Variants in ADAMTS19 observed in about 807,000 individuals in gnomAD.
ADAMTS19 encodes the protein ADAM metallopeptidase with thrombospondin type 1 motif 19, also known as A disintegrin and metalloproteinase with thrombospondin motifs 19.
In ADAMTS19, 93 loss-of-function variants were observed where a neutral mutation model predicts 153.3. That is an observed-to-expected ratio of 0.61 (90% CI 0.51 to 0.72). The LOEUF is 0.72. Ranked by LOEUF, ADAMTS19 falls within the 30% of genes least tolerant of loss-of-function variation. ADAMTS19 has a pLI of 0.00. For missense variants in ADAMTS19, 1,482 were observed against 1,552.1 expected (o/e 0.95, Z 0.76); for synonymous variants, 600 against 556.6 (o/e 1.08, Z -1.10).
chr5:129,685,151 A>C (rs569102358), intron 18 of ADAMTS19, among the ~76,000 whole-genome samples: 1 of 152,240 alleles, frequency 6.6e-6, no homozygotes, highest in African/African-American at 2.4e-5. Context: ...GATAAAGAAT[A>C]TATGGATATT....
At chr5:129,535,814 G>T (rs1271909678) in intron 6 of ADAMTS19, among the ~76,000 whole-genome samples, 3 of 152,114 alleles carry the variant, frequency 2.0e-5, no homozygotes, top group Non-Finnish European at 2.9e-5. Flanking sequence ...AATGGGGAAA[G>T]GATTCCCTAT....
chr5:129,591,088 G>T (rs1750109590), intron 7 of ADAMTS19, among the ~76,000 whole-genome samples: 1 of 152,034 alleles, frequency 6.6e-6, no homozygotes, highest in South Asian at 2.1e-4. Context: ...TTAGTCCTTT[G>T]TTCAGGGACT....
intron 11 of ADAMTS19, among the ~76,000 whole-genome samples, chr5:129,642,574 T>G (rs572846737): frequency 1.3e-5 from 2 of 152,356 alleles, no homozygotes; most frequent in East Asian, 3.9e-4. Context: ...TTAATAATTA[T>G]GGTTAACATA....
chr5:129,523,747 A>G (rs1751906773), intron 3 of ADAMTS19, among the ~76,000 whole-genome samples: 1 of 152,176 alleles, frequency 6.6e-6, no homozygotes, highest in South Asian at 2.1e-4. Flanking sequence ...TAGGAATTCA[A>G]CTTGCAAGGG....
intron 3 of ADAMTS19, among the ~76,000 whole-genome samples, chr5:129,521,268 C>G (rs1043950703): frequency 6.6e-6 from 1 of 151,518 alleles, no homozygotes; most frequent in Non-Finnish European, 1.5e-5. Flanking sequence ...AAATTTTTAC[C>G]GAGAGCACAG....
At chr5:129,702,038 T>C (rs1029666853) in intron 20 of ADAMTS19, among the ~76,000 whole-genome samples, 1 of 152,190 alleles carries the variant, frequency 6.6e-6, no homozygotes, top group Non-Finnish European at 1.5e-5. Flanking sequence ...AAACTTAAGT[T>C]TCATCATTTT....
chr5:129,633,341 G>T (rs551815541), intron 10 of ADAMTS19, among the ~76,000 whole-genome samples: 1 of 152,060 alleles, frequency 6.6e-6, no homozygotes, highest in African/African-American at 2.4e-5. Flanking sequence ...CATAACACAT[G>T]TGTCATCTCA....
intron 11 of ADAMTS19, among the ~76,000 whole-genome samples, chr5:129,646,367 CA>C (rs1239498245): frequency 3.9e-5 from 6 of 152,062 alleles, no homozygotes; most frequent in African/African-American, 1.4e-4. Flanking sequence ...AGAAAATCTA[CA>C]GAGACTAATT....
Position 129,704,359 on chromosome 5 carries a change from T to A in ADAMTS19, c.3280T>A (p.Cys1094Ser). 1 of 1,614,122 alleles carries A rather than the reference T, an allele frequency of 6.2e-7. No individual in the cohort carries two copies. The highest frequency in any genetic ancestry group is 1.1e-5 in the South Asian group (1 of 91,072). Residue 1094 changes from cysteine (C) to serine (S), a missense_variant, in exon 21 of 23, where the codon TGC (cysteine) becomes AGC (serine). Physicochemically the swap from Cys to Ser is moderately radical, Grantham distance 112. Transcript: ENST00000274487. ...TGAAGACTGTGAGGATTATTCAAAATGCTATGTGTGGCGAATGGGTGACTG... is the reference window on the plus strand; with the variant it reads ...TGAAGACTGTGAGGATTATTCAAAAAGCTATGTGTGGCGAATGGGTGACTG... The part of the protein sequence containing the change: ...EAEDCEDYSK[C>S]YVWRMGDWSK...
rs76318770 is a variant in ADAMTS19 at position 129,499,850 on chromosome 5, G to T, written c.748-9227G>T. Among the ~76,000 whole-genome samples the T allele has an allele frequency of 7.7e-3, 1,169 of 152,158 alleles. 11 individuals carry two copies. Among genetic ancestry groups the T allele is most frequent in the African/African-American group, 0.025 (1,044 of 41,526 alleles). ...CACATTCCCACTTCCCATACATGAA[G>T]TCTCTTCTCTGAGGTCCCCTCATTT... On this transcript the variant is annotated intron_variant, in intron 2 of 22. Transcript: ENST00000274487.
At chr5:129,545,160 A>T (rs957545159) in intron 6 of ADAMTS19, among the ~76,000 whole-genome samples, 1 of 152,224 alleles carries the variant, frequency 6.6e-6, no homozygotes, top group South Asian at 2.1e-4. Context: ...ATTAAAAAAA[A>T]TAAAAAATTT....
chr5:129,472,967 T>C (rs938764076), intron 2 of ADAMTS19, among the ~76,000 whole-genome samples: 2 of 151,808 alleles, frequency 1.3e-5, no homozygotes, highest in Non-Finnish European at 2.9e-5. Flanking sequence ...AGAAAATCAG[T>C]GGTGAAGAGA....
At chr5:129,610,077 A>G (rs1306644875) in intron 8 of ADAMTS19, among the ~76,000 whole-genome samples, 1 of 125,584 alleles carries the variant, frequency 8.0e-6, no homozygotes, top group African/African-American at 3.0e-5. Context: ...GAATGCTTAC[A>G]TTCTAGGTAG....
At chr5:129,669,489 T>A (rs995590535) in intron 16 of ADAMTS19, among the ~76,000 whole-genome samples, 1 of 152,068 alleles carries the variant, frequency 6.6e-6, no homozygotes, top group African/African-American at 2.4e-5. Flanking sequence ...GTAATTTGAG[T>A]CTTGTCTTTT....
intron 8 of ADAMTS19, among the ~76,000 whole-genome samples, chr5:129,619,027 A>T (rs1266945095): frequency 1.3e-5 from 2 of 152,122 alleles, no homozygotes; most frequent in Non-Finnish European, 2.9e-5. Flanking sequence ...TTGTTCACAG[A>T]ATCCTATGTT....
At chr5:129,586,824 C>T (rs942180414) in intron 7 of ADAMTS19, among the ~76,000 whole-genome samples, 3 of 152,106 alleles carry the variant, frequency 2.0e-5, no homozygotes, top group East Asian at 1.9e-4. Flanking sequence ...TGGTGTTATC[C>T]GTGTTTTGAA....
chr5:129,627,169 A>G (rs1420478670), intron 10 of ADAMTS19, among the ~76,000 whole-genome samples: 1 of 152,092 alleles, frequency 6.6e-6, no homozygotes, highest in Non-Finnish European at 1.5e-5. Flanking sequence ...CTAAATAACA[A>G]TTGCAAGTGA....
At chr5:129,606,483 G>A (rs761693295) in intron 8 of ADAMTS19, among the ~76,000 whole-genome samples, 1 of 152,060 alleles carries the variant, frequency 6.6e-6, no homozygotes, top group African/African-American at 2.4e-5. Flanking sequence ...TATTCCTTCT[G>A]GCTTGGACTC....
At chr5:129,481,847 A>G (rs1357887276) in intron 2 of ADAMTS19, among the ~76,000 whole-genome samples, 2 of 152,146 alleles carry the variant, frequency 1.3e-5, no homozygotes, top group Non-Finnish European at 2.9e-5. Context: ...TGCAGGTATT[A>G]CTTGAAGGCC....
Sources: allele counts gnomAD v4.1 joint callset (sites outside exome capture counted in the v4.1 genomes callset), GRCh38; gene constraint gnomAD v4.1.1; transcripts MANE v1.5; gene names NCBI Gene and HGNC (gene_info 2026-07-23, HGNC 2026-07-21).